The following HDAC9 variants were observed in gnomAD, a reference collection of about 807,000 sequenced individuals.
The protein encoded by HDAC9 is MEF-2 interacting transcription repressor (MITR) protein.
Under a neutral mutation model 139.4 loss-of-function variants are expected in HDAC9, and 41 were observed. The ratio of observed to expected loss-of-function variants is 0.29; its 90% CI spans 0.23 to 0.38. The LOEUF (loss-of-function observed/expected upper bound fraction) is 0.38, where lower values mean the gene tolerates loss of function less well. HDAC9 is among the 10% of genes least tolerant of loss of function. The pLI is 1.00. For missense variants in HDAC9, 1,147 were observed against 1,297.0 expected (o/e 0.88, Z 1.78); for synonymous variants, 517 against 476.2 (o/e 1.09, Z -1.12).
chr7:18,623,097 T>A (rs1840674226), intron 6 of HDAC9, among the ~76,000 whole-genome samples: 1 of 150,246 alleles, frequency 6.7e-6, no homozygotes, highest in Non-Finnish European at 1.5e-5. Context: ...TGAGCTGAGA[T>A]CATCCCACTG....
intron 24 of HDAC9, among the ~76,000 whole-genome samples, chr7:18,956,914 G>A (rs991952883): frequency 1.3e-5 from 2 of 152,134 alleles, no homozygotes; most frequent in East Asian, 1.9e-4. Context: ...AAGGCTCTTG[G>A]TGTTGCTGCC....
intron 2 of HDAC9, among the ~76,000 whole-genome samples, chr7:18,197,305 A>T (rs891765605): frequency 1.2e-4 from 19 of 152,168 alleles, no homozygotes; most frequent in Admixed American, 9.8e-4. Context: ...CTGACTAGAT[A>T]TGGGAGCCAC....
At chr7:18,450,697 TTTCA>T (rs1353936016) in intron 1 of HDAC9, among the ~76,000 whole-genome samples, 17 of 152,230 alleles carry the variant, frequency 1.1e-4, no homozygotes, top group Non-Finnish European at 1.9e-4. Flanking sequence ...GGAATTGTGC[TTTCA>T]TTGTTTCTTC....
intron 2 of HDAC9, among the ~76,000 whole-genome samples, chr7:18,247,886 CT>C (rs1304623714): frequency 2.6e-5 from 4 of 152,128 alleles, no homozygotes; most frequent in African/African-American, 9.7e-5. Flanking sequence ...AAATAAAACA[CT>C]TTTAAAAACT....
At chr7:18,717,840 A>G (rs552213538) in intron 12 of HDAC9, among the ~76,000 whole-genome samples, 1 of 152,358 alleles carries the variant, frequency 6.6e-6, no homozygotes, top group Non-Finnish European at 1.5e-5. Flanking sequence ...TATGTTACAA[A>G]ACATGCACAC....
At chr7:18,402,534 A>G (rs1032677946) in intron 1 of HDAC9, among the ~76,000 whole-genome samples, 1 of 152,206 alleles carries the variant, frequency 6.6e-6, no homozygotes, top group Non-Finnish European at 1.5e-5. Flanking sequence ...AGTGTAAAAC[A>G]GGGACCAGTT....
chr7:18,577,439 G>A (rs1826334211), intron 2 of HDAC9, among the ~76,000 whole-genome samples: 3 of 152,066 alleles, frequency 2.0e-5, no homozygotes, highest in Admixed American at 1.3e-4. Flanking sequence ...TTTCTGACTC[G>A]ACCTGAAATA....
At chr7:18,192,164 C>T (rs567386264) in intron 2 of HDAC9, among the ~76,000 whole-genome samples, 1 of 152,284 alleles carries the variant, frequency 6.6e-6, no homozygotes, top group East Asian at 1.9e-4. Context: ...TTAGGAAAAT[C>T]TACAAGTGAC....
intron 24 of HDAC9, among the ~76,000 whole-genome samples, chr7:18,967,828 T>A (rs1004416021): frequency 6.6e-6 from 1 of 152,132 alleles, no homozygotes; most frequent in African/African-American, 2.4e-5. Flanking sequence ...TAAAATACAC[T>A]GTTTTAGATA....
At chr7:18,164,609 A>G (rs375558707) in intron 2 of HDAC9, among the ~76,000 whole-genome samples, 1 of 152,146 alleles carries the variant, frequency 6.6e-6, no homozygotes, top group East Asian at 1.9e-4. Flanking sequence ...TGGTTCTGGT[A>G]TAGTGTGAAT....
At chr7:18,316,476 T>A (rs908900217) in intron 1 of HDAC9, among the ~76,000 whole-genome samples, 1 of 151,436 alleles carries the variant, frequency 6.6e-6, no homozygotes, top group African/African-American at 2.4e-5. Context: ...AAATTTGGAG[T>A]CCTCTTTGGA....
intron 17 of HDAC9, among the ~76,000 whole-genome samples, chr7:18,822,905 A>T (rs1795096547): frequency 6.6e-6 from 1 of 152,256 alleles, no homozygotes; most frequent in African/African-American, 2.4e-5. Context: ...AGATTTTATT[A>T]TGTATCATAG....
At chr7:18,520,977 CA>C (rs1804839928) in intron 2 of HDAC9, among the ~76,000 whole-genome samples, 1 of 152,154 alleles carries the variant, frequency 6.6e-6, no homozygotes, top group South Asian at 2.1e-4. Context: ...GAGAATGACA[CA>C]AAGCTTAGTC....
intron 1 of HDAC9, among the ~76,000 whole-genome samples, chr7:18,296,842 A>T (rs1235719644): frequency 2.6e-5 from 4 of 152,220 alleles, no homozygotes; most frequent in African/African-American, 7.2e-5. Flanking sequence ...TCAAGATGAC[A>T]GTGGTTTAAA....
chr7:18,438,430 C>T (rs2128088884), intron 1 of HDAC9, among the ~76,000 whole-genome samples: 2 of 152,192 alleles, frequency 1.3e-5, no homozygotes, highest in Middle Eastern at 6.8e-3. Context: ...AACACTTTGC[C>T]AGTCATTGGA....
chr7:18,172,645 A>G (rs780272400), intron 2 of HDAC9, among the ~76,000 whole-genome samples: 8 of 152,114 alleles, frequency 5.3e-5, no homozygotes, highest in Non-Finnish European at 1.0e-4. Context: ...ATTCTGGTAC[A>G]TTGTGTCTTT....
intron 1 of HDAC9, among the ~76,000 whole-genome samples, chr7:18,301,301 A>G (rs1798522365): frequency 6.6e-6 from 1 of 152,206 alleles, no homozygotes; most frequent in Non-Finnish European, 1.5e-5. Context: ...GAATGTCTGT[A>G]TTCTCAGATG....
intron 1 of HDAC9, among the ~76,000 whole-genome samples, chr7:18,445,453 C>G (rs1253404286): frequency 1.3e-5 from 2 of 152,168 alleles, no homozygotes; most frequent in Non-Finnish European, 1.5e-5. Context: ...ATATCCCTAA[C>G]TATATTGTCA....
rs1786474205 is a variant in HDAC9 at position 18,147,968 on chromosome 7, T to C, written c.-96-14261T>C. Among the ~76,000 whole-genome samples the C allele has an allele frequency of 4.6e-5, 7 of 152,200 alleles. No individual in the cohort carries two copies. In the South Asian group the frequency reaches 1.4e-3, roughly 31 times the overall value. On this transcript the variant is annotated intron_variant, in intron 1 of 12. Transcript: ENST00000417496. ...TGTATTATTCTAATATATAAACTGC[T>C]ACAGTTTTCACATATTCATTCTCCT...
Sources: gnomAD v4.1 joint callset for allele counts (sites outside exome capture counted in the v4.1 genomes callset) on GRCh38, gnomAD v4.1.1 for gene constraint, MANE v1.5 for transcripts, NCBI Gene and HGNC (gene_info 2026-07-23, HGNC 2026-07-21) for gene names.